RANBP2: variants seen among roughly 807,000 people sequenced by gnomAD.
RANBP2 encodes RAN binding protein 2.
A neutral mutation model predicts 303.6 loss-of-function variants in RANBP2; 57 were observed. The observed-to-expected ratio is 0.19, with a 90% confidence interval of 0.15 to 0.23. RANBP2 has a LOEUF of 0.23. Ranked by LOEUF, RANBP2 falls within the 10% of genes least tolerant of loss-of-function variation. The probability of loss-of-function intolerance (pLI) is 1.00; values close to 1 mark genes in which losing one functional copy is unlikely to be tolerated. For missense variants in RANBP2, 3,138 were observed against 3,780.8 expected (o/e 0.83, Z 4.46); for synonymous variants, 1,167 against 1,301.5 (o/e 0.90, Z 2.23).
chr2:109,187,663 A>C, the RANBP2 span, among the ~76,000 whole-genome samples: 2 of 152,020 alleles, frequency 1.3e-5, no homozygotes, highest in Non-Finnish European at 2.9e-5. Context: ...ATGCATGTAC[A>C]CTCTGATGTT....
chr2:109,608,546 G>T, the RANBP2 span, among the ~76,000 whole-genome samples: 1 of 152,178 alleles, frequency 6.6e-6, no homozygotes, highest in Non-Finnish European at 1.5e-5. Context: ...GTGAGGAGGG[G>T]CTGGGGAGCC....
the RANBP2 span, among the ~76,000 whole-genome samples, chr2:109,068,191 A>G: frequency 2.6e-5 from 4 of 152,120 alleles, no homozygotes; most frequent in Non-Finnish European, 2.9e-5. Flanking sequence ...TTACTTTTTC[A>G]TCTTTTCGCG....
At chr2:108,936,376 G>T in the RANBP2 span, among the ~76,000 whole-genome samples, 1 of 152,238 alleles carries the variant, frequency 6.6e-6, no homozygotes, top group Non-Finnish European at 1.5e-5. Flanking sequence ...GAGGGGAGAG[G>T]CTGTGGCTGG....
At chr2:109,180,889 TGGAA>T in the RANBP2 span, among the ~76,000 whole-genome samples, 297 of 152,348 alleles carry the variant, frequency 1.9e-3, 1 homozygote, top group Non-Finnish European at 3.4e-3. Context: ...CAAGCTTACT[TGGAA>T]GGGACCACCC....
the RANBP2 span, among the ~76,000 whole-genome samples, chr2:109,111,352 G>C: frequency 2.0e-5 from 3 of 152,186 alleles, no homozygotes; most frequent in African/African-American, 7.2e-5. Context: ...TGGGAATGGT[G>C]TTATACACCC....
At chr2:108,798,783 A>G in the RANBP2 span, among the ~76,000 whole-genome samples, 9 of 127,014 alleles carry the variant, frequency 7.1e-5, no homozygotes. Flanking sequence ...ACATTTGCTT[A>G]TTTCTCCTTC....
chr2:109,760,181 G>A, the RANBP2 span: 3 of 145,022 alleles, frequency 2.1e-5, no homozygotes, highest in Non-Finnish European at 4.5e-5. Context: ...CATTCCTTAG[G>A]GAAAAACCTG....
Position 108,767,213 on chromosome 2 carries a change from A to T in RANBP2, c.6674A>T (p.Asp2225Val). The part of the protein sequence containing the change: ...PENTGPTLEW[D>V]NYDLREDALD... Reference sequence around the variant, plus strand: ...AACACTGGGCCCACATTAGAATGGGATAACTATGATTTAAGGGAAGATGCT... The same window carrying T: ...AACACTGGGCCCACATTAGAATGGGTTAACTATGATTTAAGGGAAGATGCT... The change falls in exon 20 of 29, where the codon GAT (aspartate) becomes GTT (valine). Residue 2225 changes from aspartate to valine, a missense_variant. Physicochemically the swap from Asp to Val is radical, Grantham distance 152. Transcript: ENST00000283195. 1.2e-6 allele frequency: 2 copies of T among 1,612,066 alleles called. No individual in the cohort carries two copies. The highest frequency in any genetic ancestry group is 1.7e-6 in the Non-Finnish European group (2 of 1,179,864).
At chr2:109,041,946 T>C in the RANBP2 span, among the ~76,000 whole-genome samples, 1 of 152,208 alleles carries the variant, frequency 6.6e-6, no homozygotes, top group African/African-American at 2.4e-5. Flanking sequence ...ATGTTTGTTT[T>C]GTAATGTTAA....
the RANBP2 span, among the ~76,000 whole-genome samples, chr2:109,057,431 C>T: frequency 1.1e-4 from 16 of 152,258 alleles, no homozygotes; most frequent in African/African-American, 2.9e-4. Context: ...CTGACATTTA[C>T]GGCAGGTAGG....
chr2:109,184,097 T>C, the RANBP2 span, among the ~76,000 whole-genome samples: 1 of 152,196 alleles, frequency 6.6e-6, no homozygotes, highest in South Asian at 2.1e-4. Flanking sequence ...GCCCATGTGG[T>C]GGTTCCATGT....
At chr2:108,950,022 GGTTTATTC>G in the RANBP2 span, among the ~76,000 whole-genome samples, 2 of 152,204 alleles carry the variant, frequency 1.3e-5, no homozygotes, top group Non-Finnish European at 2.9e-5. Context: ...ATTGTCAGAT[GGTTTATTC>G]ACTGAGTGCG....
chr2:108,871,066 T>C, the RANBP2 span, among the ~76,000 whole-genome samples: 1 of 152,216 alleles, frequency 6.6e-6, no homozygotes, highest in East Asian at 1.9e-4. Flanking sequence ...TCATTAATGT[T>C]AGGTGAACAT....
At chr2:108,947,769 C>T in the RANBP2 span, among the ~76,000 whole-genome samples, 29 of 152,270 alleles carry the variant, frequency 1.9e-4, no homozygotes, top group South Asian at 1.0e-3. Flanking sequence ...CCCAGGCCTC[C>T]GGGTCTGTGG....
chr2:108,741,829 TTTTA>T (rs1435557379), intron 7 of RANBP2, among the ~76,000 whole-genome samples: 2 of 148,916 alleles, frequency 1.3e-5, no homozygotes, highest in African/African-American at 2.5e-5. Context: ...TTTTTTTTTT[TTTTA>T]ATGAGCTTGC....
At chr2:109,430,051 C>T in the RANBP2 span, among the ~76,000 whole-genome samples, 2 of 152,198 alleles carry the variant, frequency 1.3e-5, no homozygotes, top group Non-Finnish European at 2.9e-5. Flanking sequence ...GAGAGGAGTC[C>T]GTGAGCTGTG....
chr2:109,011,199 G>C, the RANBP2 span, among the ~76,000 whole-genome samples: 1 of 152,068 alleles, frequency 6.6e-6, no homozygotes, highest in Non-Finnish European at 1.5e-5. Flanking sequence ...CTTTTTATTA[G>C]CTTATATTCT....
the RANBP2 span, among the ~76,000 whole-genome samples, chr2:109,508,315 T>G: frequency 1.3e-5 from 2 of 152,250 alleles, no homozygotes; most frequent in Non-Finnish European, 1.5e-5. Flanking sequence ...CTGCCCAGAC[T>G]TCATGGATTG....
the RANBP2 span, among the ~76,000 whole-genome samples, chr2:109,506,029 T>C: frequency 6.6e-6 from 1 of 152,220 alleles, no homozygotes; most frequent in Non-Finnish European, 1.5e-5. Flanking sequence ...CTTCACTGCC[T>C]GTTTTCCAGA....
Sources: allele counts gnomAD v4.1 joint callset (sites outside exome capture counted in the v4.1 genomes callset), GRCh38; gene constraint gnomAD v4.1.1; transcripts MANE v1.5; gene names NCBI Gene and HGNC (gene_info 2026-07-23, HGNC 2026-07-21).